TRMU: variants seen among roughly 807,000 people sequenced by gnomAD.
TRMU encodes the protein tRNA mitochondrial 2-thiouridylase.
In TRMU, 49 loss-of-function variants were observed where a neutral mutation model predicts 46.9. The ratio of observed to expected loss-of-function variants is 1.05; its 90% CI spans 0.83 to 1.33. The LOEUF (loss-of-function observed/expected upper bound fraction) is 1.33. Among genes scored for constraint, TRMU ranks in the 40% most tolerant of loss-of-function variants. The pLI, the probability that TRMU is intolerant of heterozygous loss-of-function variation, is 0.00. For synonymous variants in TRMU, 241 were observed against 200.9 expected (o/e 1.20, Z -1.69); for missense variants, 572 against 532.4 (o/e 1.07, Z -0.73).
intron 5 of TRMU, 25 bp from the exon 6 acceptor site, chr22:46,352,096 C>T (rs1206322156): frequency 1.2e-5 from 20 of 1,612,056 alleles, no homozygotes; most frequent in Non-Finnish European, 1.7e-5. Context: ...CTGCTCCTCT[C>T]ACGGCTGCCG....
At chr22:46,335,927 C>T (rs964278483) in intron 1 of TRMU, 81 bp downstream of exon 1, 2 of 1,513,838 alleles carry the variant, frequency 1.3e-6, no homozygotes, top group Admixed American at 2.0e-5. Context: ...GCGTTGTGCA[C>T]GTCTCCTCCC....
intron 3 of TRMU, among the ~76,000 whole-genome samples, chr22:46,344,278 G>A (rs917658156): frequency 3.9e-5 from 6 of 152,158 alleles, no homozygotes; most frequent in Non-Finnish European, 7.3e-5. Context: ...CAGCACAGAC[G>A]GAGCTCACCT....
Position 46,337,928 on chromosome 22 carries a change from T to C in TRMU, c.232T>C (p.Trp78Arg). 6.2e-7 allele frequency: 1 copy of C among 1,614,176 alleles called. No homozygotes were observed. The highest frequency in any genetic ancestry group is 8.5e-7 in the Non-Finnish European group (1 of 1,180,008). ...TCAAGTGTCCTACGTAAAGGAGTATTGGAATGATGTGTTCAGGTGAGTGCG... is the reference window on the plus strand; with the variant it reads ...TCAAGTGTCCTACGTAAAGGAGTATCGGAATGATGTGTTCAGGTGAGTGCG... ...FHQVSYVKEYWNDVFSDFLNE... is the reference protein window; with the variant it reads ...FHQVSYVKEYRNDVFSDFLNE... The change falls in exon 2 of 11, where the codon TGG (tryptophan) becomes CGG (arginine). Residue 78 changes from tryptophan to arginine, a missense_variant. Trp to Arg is a moderately radical substitution (Grantham distance 101, BLOSUM62 -3). Transcript: ENST00000645190.
Position 46,337,363 on chromosome 22 carries a change from A to T in TRMU, c.83-416A>T, listed in dbSNP as rs535255789. Reference sequence around the variant, plus strand: ...CTCTTACAAAATATCGAAAATTTTAATTATCTTTATATCTGATCACTTAGA... The same window carrying T: ...CTCTTACAAAATATCGAAAATTTTATTTATCTTTATATCTGATCACTTAGA... On this transcript the variant is annotated intron_variant, in intron 1 of 10. Transcript: ENST00000645190. Among the ~76,000 whole-genome samples, 6 of 152,366 alleles carry T rather than the reference A, an allele frequency of 3.9e-5. No homozygotes were observed. In the South Asian group the frequency reaches 1.2e-3, roughly 32 times the overall value.
intron 3 of TRMU, among the ~76,000 whole-genome samples, chr22:46,344,744 G>A (rs1322885783): frequency 6.6e-6 from 1 of 152,202 alleles, no homozygotes; most frequent in African/African-American, 2.4e-5. Context: ...AGGACATGAC[G>A]CCCAGACTTC....
intron 1 of TRMU, 69 bp downstream of exon 1, chr22:46,335,915 T>C: frequency 1.3e-6 from 2 of 1,522,552 alleles, no homozygotes; most frequent in South Asian, 1.2e-5. Flanking sequence ...CCGTCCGTCG[T>C]GGCGTTGTGC....
rs12158204 is a variant in TRMU at position 46,347,791 on chromosome 22, G to A, written c.478+1247G>A. ...CAGAGCTGGATTTCAGTGCACTTCC[G>A]CTCACTCCCCAGCCCCTGCTGCTTC... is the stretch of plus-strand genomic sequence containing the variant. On this transcript the variant is annotated intron_variant, in intron 4 of 10. Coordinates refer to ENST00000645190, the MANE Select transcript of TRMU (RefSeq NM_018006.5). The surrounding 1 kb of genome is among the most constrained non-coding windows in gnomAD (Gnocchi z 5.0). Among the ~76,000 whole-genome samples the A allele has an allele frequency of 0.043, 6,615 of 152,192 alleles. 486 individuals carry two copies. Among genetic ancestry groups the A allele is most frequent in the African/African-American group, 0.15 (6,188 of 41,480 alleles).
chr22:46,336,573 C>G lies in TRMU; in HGVS notation c.82+727C>G, dbSNP rs1003999577. 1 of 152,236 alleles carries G rather than the reference C, an allele frequency of 6.6e-6. No homozygotes were observed. The highest frequency in any genetic ancestry group is 2.4e-5 in the African/African-American group (1 of 41,426). 9.4% of individuals were successfully genotyped at this position (152,236 alleles called of 1,614,324 possible). A position where few individuals can be genotyped will look rare whatever the true frequency, so the allele number is the denominator to read the frequency against. ...CTTGGGCAAGTGAATTAAGCCGTCCCCTGTAAAATTCGGCTAACACCTGCC... is the reference window on the plus strand; with the variant it reads ...CTTGGGCAAGTGAATTAAGCCGTCCGCTGTAAAATTCGGCTAACACCTGCC... On this transcript the variant is annotated intron_variant, in intron 1 of 10. Coordinates refer to ENST00000645190, the MANE Select transcript of TRMU (RefSeq NM_018006.5). The surrounding 1 kb of genome is among the most constrained non-coding windows in gnomAD (Gnocchi z 4.1).
rs1020210462 is a variant in TRMU at position 46,335,913 on chromosome 22, C to T, written c.82+67C>T. 5 of 1,523,250 alleles carry T rather than the reference C, an allele frequency of 3.3e-6. No individual in the cohort carries two copies. The African/African-American group carries it at 4.2e-5, about 13-fold the overall frequency. 94.4% of individuals were successfully genotyped at this position (1,523,250 alleles called of 1,614,324 possible). A position where few individuals can be genotyped will look rare whatever the true frequency, so the allele number is the denominator to read the frequency against. ...TCCCCGGAAACCTGTCCCCGTCCGT[C>T]GTGGCGTTGTGCACGTCTCCTCCCT... On this transcript the variant is annotated intron_variant, in intron 1 of 10. Transcript: ENST00000645190.
At chr22:46,352,469 G>A (rs1450975746) in intron 7 of TRMU, 139 bp downstream of exon 7, 12 of 985,076 alleles carry the variant, frequency 1.2e-5, no homozygotes, top group Non-Finnish European at 1.7e-5. Context: ...GCGGCCGGGG[G>A]CGGGCACGGC....
rs1379282513 is a variant in TRMU, at chr22:46,347,924, C to T, written c.478+1380C>T. ...CTTGGTCAAGGGAGCCCTGAGTGTG[C>T]CAACAGTCGTCTGCCGCCCTCTGTT... On this transcript the variant is annotated intron_variant, in intron 4 of 10. Transcript: ENST00000645190. The surrounding 1 kb of genome is among the most constrained non-coding windows in gnomAD (Gnocchi z 5.0). 6.6e-6 allele frequency among the ~76,000 whole-genome samples: 1 copy of T among 152,186 alleles called. No homozygotes were observed. The highest frequency in any genetic ancestry group is 2.4e-5 in the African/African-American group (1 of 41,442).
Position 46,337,815 on chromosome 22 carries a change from A to T in TRMU, c.119A>T (p.Asp40Val), listed in dbSNP as rs1301184606. The change falls in exon 2 of 11, where the codon GAC becomes GTC. Residue 40 changes from aspartate to valine, a missense_variant. By Grantham distance (152) the Asp-to-Val change is radical. Transcript: ENST00000645190. The part of the protein sequence containing the change: ...QVTGVFMKNW[D>V]SLDEHGVCTA... Reference sequence around the variant, plus strand: ...ACAGGGGTGTTTATGAAGAACTGGGACTCACTGGATGAACATGGGGTCTGT... The same window carrying T: ...ACAGGGGTGTTTATGAAGAACTGGGTCTCACTGGATGAACATGGGGTCTGT... The T allele has an allele frequency of 2.5e-6, 4 of 1,614,032 alleles. No individual in the cohort carries two copies. The Admixed American group carries it at 6.7e-5, about 27-fold the overall frequency.
rs1388348321 is a variant in TRMU, at chr22:46,335,813, A to C, written c.49A>C (p.Ser17Arg). Residue 17 changes from serine (S) to arginine (R), a missense_variant, in exon 1 of 11, where the codon AGC (serine) becomes CGC (arginine). Transcript: ENST00000645190. The stretch of plus-strand genomic sequence containing the variant: ...GTGCGCCCTGTCCGGCGGCGTGGAC[A>C]GCGCCGTGGCCGCGCTGCTGCTGAG... ...VVCALSGGVDSAVAALLLRRR... is the reference protein window; with the variant it reads ...VVCALSGGVDRAVAALLLRRR... 17 of 1,558,860 alleles carry C rather than the reference A, an allele frequency of 1.1e-5. No homozygotes were observed. The highest frequency in any genetic ancestry group is 1.4e-5 in the Non-Finnish European group (16 of 1,157,692).
At position 46,357,241 on chromosome 22, in the gene TRMU, T is replaced by C; in HGVS notation, c.*235T>C. On this transcript the variant is annotated 3_prime_UTR_variant, in exon 11 of 11. Transcript: ENST00000645190. ...GCTGGTGGGGTGGCCCGAGTTCCCC[T>C]TCACCGCCCCCAGGGAGGGTTTCCC... The C allele has an allele frequency of 1.7e-6, 1 of 603,582 alleles. No homozygotes were observed. The highest frequency in any genetic ancestry group is 2.9e-6 in the Non-Finnish European group (1 of 343,260). The allele number at this position is 603,582 out of a possible 1,614,324, so 37.4% of individuals were successfully genotyped here. A position where few individuals can be genotyped will look rare whatever the true frequency, so the allele number is the denominator to read the frequency against.
intron 10 of TRMU, chr22:46,356,288 T>G: frequency 1.7e-6 from 1 of 580,058 alleles, no homozygotes; most frequent in Non-Finnish European, 3.1e-6. Context: ...AACCAGCCAG[T>G]TCCTGCTCGG....
intron 8 of TRMU, chr22:46,354,340 C>CAAGCTCACCCGT (rs1569086043): frequency 5.5e-6 from 1 of 181,510 alleles, no homozygotes; most frequent in African/African-American, 2.4e-5. Context: ...CGCTCAGTGG[C>CAAGCTCACCCGT]GGCAAGCTCA....
In TRMU at chr22:46,353,716, T is replaced by C. The variant is rs368766331; in HGVS notation, c.773-51T>C. ...TCTGCCTTCATGATGAGGCGTGACA[T>C]GTGGGCTGTAACTTGTTGCCCAGCC... On this transcript the variant is annotated intron_variant, in intron 7 of 10. Transcript: ENST00000645190. 42 of 1,548,460 alleles carry C rather than the reference T, an allele frequency of 2.7e-5. No individual in the cohort carries two copies. The South Asian group carries it at 3.8e-4, about 14-fold the overall frequency.
chr22:46,352,803 C>A (rs1413478147), intron 7 of TRMU: 1 of 280,432 alleles, frequency 3.6e-6, no homozygotes, highest in Non-Finnish European at 7.0e-6. Flanking sequence ...TGCGGTGAGG[C>A]CTGCGTGAGC....
chr22:46,356,716 C>G, intron 10 of TRMU, 126 bp from the exon 11 acceptor site: 1 of 1,177,418 alleles, frequency 8.5e-7, no homozygotes, highest in Non-Finnish European at 1.2e-6. Context: ...CAAAACCCTG[C>G]TCCCCTGGGA....
Sources: gnomAD v4.1 joint callset for allele counts (sites outside exome capture counted in the v4.1 genomes callset) on GRCh38, gnomAD v4.1.1 for gene constraint, Gnocchi (gnomAD v3.1) non-coding constraint, MANE v1.5 for transcripts, NCBI Gene and HGNC (gene_info 2026-07-23, HGNC 2026-07-21) for gene names.